The following TACC2 variants were observed in gnomAD, a reference collection of about 807,000 sequenced individuals.
TACC2 encodes transforming acidic coiled-coil-containing protein 2.
In TACC2, 137 loss-of-function variants were observed where a neutral mutation model predicts 227.3. The observed-to-expected ratio is 0.60, with a 90% CI of 0.52 to 0.69. The LOEUF is 0.69. Among genes scored for constraint, TACC2 ranks in the 30% least tolerant of loss-of-function variants. TACC2 has a pLI of 0.00. For synonymous variants in TACC2, 1,523 were observed against 1,487.5 expected, an observed-to-expected ratio of 1.02 and a Z score of -0.55; for missense variants, 3,470 against 3,694.4, an observed-to-expected ratio of 0.94 and a Z score of 1.57.
At chr10:122,027,717 A>C (rs1186451188) in intron 2 of TACC2, among the ~76,000 whole-genome samples, 8 of 151,006 alleles carry the variant, frequency 5.3e-5, no homozygotes, top group Non-Finnish European at 1.0e-4. Flanking sequence ...ATTAGAATAA[A>C]TCTATCCATC....
At chr10:122,232,464 A>G (rs1204008288) in intron 16 of TACC2, among the ~76,000 whole-genome samples, 1 of 152,200 alleles carries the variant, frequency 6.6e-6, no homozygotes, top group Non-Finnish European at 1.5e-5. Flanking sequence ...CTGTTCTCAG[A>G]ATATGTGCCC....
Position 122,084,567 on chromosome 10 carries a change from G to C in TACC2, c.2067G>C (p.Glu689Asp). 2 of 1,613,800 alleles carry C rather than the reference G, an allele frequency of 1.2e-6. No individual in the cohort carries two copies. Among genetic ancestry groups the C allele is most frequent in the South Asian group, 2.2e-5 (2 of 91,088 alleles). The change falls in exon 4 of 23, where the codon GAG becomes GAC. Residue 689 changes from glutamate to aspartate, a missense_variant. Glu to Asp is a conservative substitution (Grantham distance 45, BLOSUM62 2). Transcript: ENST00000369005. ...CTGTTCCCGAAGGAGCCATCTGGGA[G>C]GGGTCAGGATTGCAGCCCAAATGTC... is the stretch of plus-strand genomic sequence containing the variant. Reference protein sequence around the residue: ...EPTVPEGAIWEGSGLQPKCPD... With the variant: ...EPTVPEGAIWDGSGLQPKCPD...
intron 1 of TACC2, among the ~76,000 whole-genome samples, chr10:122,020,639 G>A (rs1957218583): frequency 6.6e-6 from 1 of 152,150 alleles, no homozygotes; most frequent in Admixed American, 6.5e-5. Flanking sequence ...TCAATTAGAA[G>A]GCTGGAGTTT....
chr10:122,181,485 A>G (rs1050543232), intron 7 of TACC2, among the ~76,000 whole-genome samples: 4 of 152,194 alleles, frequency 2.6e-5, no homozygotes, highest in African/African-American at 9.7e-5. Context: ...TGCTTTACAA[A>G]TATAAACTCA....
At chr10:122,163,584 C>T in intron 7 of TACC2, 1 of 1,001,274 alleles carries the variant, frequency 1.0e-6, no homozygotes. Context: ...ACACAGGAGC[C>T]GGCTGCCGGG....
rs577085795 is a variant in TACC2, at chr10:122,011,647, A to T, written c.-45-10290A>T. Among the ~76,000 whole-genome samples the T allele has an allele frequency of 3.9e-5, 6 of 152,228 alleles. No individual in the cohort carries two copies. The East Asian group carries it at 9.7e-4, about 25-fold the overall frequency. ...CTGGCCATAGTCCCTCTCAATTCTA[A>T]TAGCCTGTGATAGAGCTTGACACTT... On this transcript the variant is annotated intron_variant, in intron 1 of 22. Transcript: ENST00000369005.
At chr10:122,037,642 T>C (rs1275793293) in intron 2 of TACC2, among the ~76,000 whole-genome samples, 2 of 152,220 alleles carry the variant, frequency 1.3e-5, no homozygotes, top group African/African-American at 2.4e-5. Flanking sequence ...TTCAGAGAGA[T>C]GGTCTTTGAG....
chr10:122,252,935 G>T (rs2096278437), intron 22 of TACC2, among the ~76,000 whole-genome samples: 1 of 152,206 alleles, frequency 6.6e-6, no homozygotes, highest in Admixed American at 6.5e-5. Flanking sequence ...TCTGTTTGAG[G>T]CAGGCTTCTC....
intron 3 of TACC2, among the ~76,000 whole-genome samples, chr10:122,058,158 A>G (rs1348457761): frequency 2.0e-5 from 3 of 152,242 alleles, no homozygotes; most frequent in African/African-American, 7.2e-5. Flanking sequence ...AATGTTGTCT[A>G]CACCACAAAG....
At position 122,112,636 on chromosome 10, in the gene TACC2, C is replaced by A. The variant is rs546232117; in HGVS notation, c.5574-19973C>A. Among the ~76,000 whole-genome samples, 18 of 14,784 alleles carry A rather than the reference C, an allele frequency of 1.2e-3. No individual in the cohort carries two copies. In the Middle Eastern group the frequency reaches 0.12, roughly 103 times the overall value. The allele number at this position is 14,784 out of a possible 152,430, so 9.7% of individuals were successfully genotyped here. ...ACGGCCCCGCAGAGGAAGCGCGGGC[C>A]GCCTGGCCGGTACTTGACCTTCCCA... On this transcript the variant is annotated intron_variant, in intron 5 of 22. Coordinates refer to ENST00000369005, the MANE Select transcript of TACC2 (RefSeq NM_206862.4).
intron 1 of TACC2, among the ~76,000 whole-genome samples, chr10:122,011,399 G>A (rs911894786): frequency 1.1e-4 from 17 of 152,092 alleles, no homozygotes; most frequent in African/African-American, 4.1e-4. Flanking sequence ...GCGGGCTCTC[G>A]GCTCACTGCA....
At chr10:122,104,525 C>A (rs111952600) in intron 5 of TACC2, among the ~76,000 whole-genome samples, 2,141 of 152,208 alleles carry the variant, frequency 0.014, 57 homozygotes, top group African/African-American at 0.049. Flanking sequence ...CTTGCCACCA[C>A]GCCCAGCTAA....
intron 2 of TACC2, among the ~76,000 whole-genome samples, chr10:122,048,683 A>G (rs1424676075): frequency 2.0e-5 from 3 of 151,984 alleles, no homozygotes; most frequent in Non-Finnish European, 2.9e-5. Context: ...AATTCACACA[A>G]TGGCATTGTC....
intron 1 of TACC2, among the ~76,000 whole-genome samples, chr10:121,997,478 A>G (rs929841024): frequency 2.0e-5 from 3 of 152,200 alleles, no homozygotes; most frequent in African/African-American, 4.8e-5. Context: ...TTGTCCCCAC[A>G]TAAGCCAGAA....
chr10:122,235,150 G>A (rs564889683), intron 16 of TACC2, among the ~76,000 whole-genome samples: 2 of 152,258 alleles, frequency 1.3e-5, no homozygotes, highest in African/African-American at 2.4e-5. Context: ...GCAGTGGCGC[G>A]ATCTCAGCTC....
chr10:122,050,621 C>A lies in TACC2; in HGVS notation c.146+71C>A. On this transcript the variant is annotated intron_variant, in intron 3 of 22. Transcript: ENST00000369005. The surrounding 1 kb of genome is among the most constrained non-coding windows in gnomAD (Gnocchi z 4.6). ...CGCTCATTGCCTGCTCCAGCATTAG[C>A]TTTGCCCCATTTGCTTTGGAAACTG... The A allele has an allele frequency of 1.6e-6, 2 of 1,275,014 alleles. No homozygotes were observed. The highest frequency in any genetic ancestry group is 2.3e-6 in the Non-Finnish European group (2 of 887,732). The allele number at this position is 1,275,014 out of a possible 1,614,324, so 79.0% of individuals were successfully genotyped here. A position where few individuals can be genotyped will look rare whatever the true frequency, so the allele number is the denominator to read the frequency against.
intron 2 of TACC2, among the ~76,000 whole-genome samples, chr10:122,029,238 A>G (rs373126679): frequency 2.2e-4 from 33 of 151,998 alleles, no homozygotes; most frequent in African/African-American, 7.0e-4. Context: ...GGTTTTTATC[A>G]TGAATGAGTG....
Position 122,241,951 on chromosome 10 carries a change from C to G in TACC2, c.8349-7C>G. 6.2e-7 allele frequency: 1 copy of G among 1,614,042 alleles called. No homozygotes were observed. The highest frequency in any genetic ancestry group is 1.1e-5 in the South Asian group (1 of 91,078). On this transcript the variant is annotated splice_polypyrimidine_tract_variant and splice_region_variant and intron_variant, in intron 18 of 22. Transcript: ENST00000369005. ...ATGACTCCAACGTGTCTTTACTTCT[C>G]TTATAGGAAAATAGTGGCCGAGTAT... is the stretch of plus-strand genomic sequence containing the variant.
In TACC2 at chr10:122,141,675, A is replaced by G. The variant is rs778466185; in HGVS notation, c.5700-1897A>G. 9.2e-5 allele frequency among the ~76,000 whole-genome samples: 14 copies of G among 152,228 alleles called. No individual in the cohort carries two copies. The highest frequency in any genetic ancestry group is 1.3e-4 in the Non-Finnish European group (9 of 68,006). ...TAGCAGCGGGCCACAGATCTAAGGT[A>G]GCATCTCCCCCCCACCCGCCACTGT... On this transcript the variant is annotated intron_variant, in intron 6 of 22. Coordinates refer to ENST00000369005, the MANE Select transcript of TACC2 (RefSeq NM_206862.4). The surrounding 1 kb of genome is among the most constrained non-coding windows in gnomAD (Gnocchi z 4.3).
Sources: gnomAD v4.1 joint callset for allele counts (sites outside exome capture counted in the v4.1 genomes callset) on GRCh38, gnomAD v4.1.1 for gene constraint, Gnocchi (gnomAD v3.1) non-coding constraint, MANE v1.5 for transcripts, NCBI Gene and HGNC (gene_info 2026-07-23, HGNC 2026-07-21) for gene names.